Variants in BCAN observed in about 807,000 individuals in gnomAD.
BCAN encodes the protein brevican core protein.
Under a neutral mutation model 92.4 loss-of-function variants are expected in BCAN, and 51 were observed. The ratio of observed to expected loss-of-function variants is 0.55; its 90% CI spans 0.44 to 0.70. The LOEUF (loss-of-function observed/expected upper bound fraction) is 0.70, where lower values mean the gene tolerates loss of function less well. Ranked by LOEUF, BCAN falls within the 30% of genes least tolerant of loss-of-function variation. The probability of loss-of-function intolerance (pLI) is 0.00; values close to 1 mark genes in which losing one functional copy is unlikely to be tolerated. For synonymous variants in BCAN, 501 were observed against 505.2 expected (o/e 0.99, Z 0.11); for missense variants, 1,140 against 1,212.1 (o/e 0.94, Z 0.88).
chr1:156,650,190 G>A (rs1347278553), intron 6 of BCAN, among the ~76,000 whole-genome samples: 1 of 152,118 alleles, frequency 6.6e-6, no homozygotes, highest in African/African-American at 2.4e-5. Context: ...TCTGTGTGCT[G>A]GCTATGATTG....
In BCAN at chr1:156,646,783, G is replaced by A. The variant is rs201832279; in HGVS notation, c.92-18G>A. The A allele has an allele frequency of 2.9e-5, 44 of 1,531,680 alleles. No individual in the cohort carries two copies. The highest frequency in any genetic ancestry group is 2.2e-4 in the Middle Eastern group (1 of 4,586). The allele number at this position is 1,531,680 out of a possible 1,614,324, so 94.9% of individuals were successfully genotyped here. ...GGGTCGACAGCGTTAAGTTCCAGCC[G>A]GCTCCACCCGTTCACAGAGGACCGC... On this transcript the variant is annotated intron_variant, in intron 2 of 13. Coordinates refer to ENST00000329117, the MANE Select transcript of BCAN (RefSeq NM_021948.5).
Position 156,656,964 on chromosome 1 carries a change from G to C in BCAN, c.2077G>C (p.Asp693His). The change falls in exon 10 of 14, where the codon GAC becomes CAC. Residue 693 changes from aspartate (D) to histidine (H), a missense_variant. This residue lies in a region of BCAN where 825 missense variants were observed against 871.8 expected (regional missense o/e 0.95). Coordinates refer to ENST00000329117, the MANE Select transcript of BCAN (RefSeq NM_021948.5). ...VGLRFCNPGW[D>H]AFQGACYKHF... ...CCTCCGCTTCTGCAACCCCGGCTGG[G>C]ACGCCTTCCAGGGCGCCTGCTACAA... is the stretch of plus-strand genomic sequence containing the variant. 1 of 1,614,020 alleles carries C rather than the reference G, an allele frequency of 6.2e-7. No individual in the cohort carries two copies. Among genetic ancestry groups the C allele is most frequent in the Non-Finnish European group, 8.5e-7 (1 of 1,179,894 alleles).
At position 156,652,646 on chromosome 1, in the gene BCAN, G is replaced by C. The variant is rs774931549; in HGVS notation, c.1696G>C (p.Gly566Arg). 1 of 1,613,824 alleles carries C rather than the reference G, an allele frequency of 6.2e-7. No individual in the cohort carries two copies. The highest frequency in any genetic ancestry group is 8.5e-7 in the Non-Finnish European group (1 of 1,179,796). ...PSTLVEAREV[G>R]EATGGPELSG... ...CACTCTGGTTGAGGCAAGAGAGGTGGGGGAGGCAACTGGTGGTCCTGAGCT... is the reference window on the plus strand; with the variant it reads ...CACTCTGGTTGAGGCAAGAGAGGTGCGGGAGGCAACTGGTGGTCCTGAGCT... The change falls in exon 8 of 14, where the codon GGG becomes CGG. Residue 566 changes from glycine to arginine, a missense_variant. By Grantham distance (125) the Gly-to-Arg change is moderately radical. Transcript: ENST00000329117.
intron 8 of BCAN, among the ~76,000 whole-genome samples, chr1:156,654,104 C>T (rs1235783796): frequency 6.6e-6 from 1 of 152,188 alleles, no homozygotes; most frequent in Non-Finnish European, 1.5e-5. Flanking sequence ...TCCCCAGACC[C>T]AAAGGGTCTC....
Position 156,651,607 on chromosome 1 carries a change from C to A in BCAN, c.1215C>A (p.Ile405=). ...CAGAGAGTGAATCCCGTGGGGCCATCTACTCCATCCCCATCATGGAGGACG... is the reference window on the plus strand; with the variant it reads ...CAGAGAGTGAATCCCGTGGGGCCATATACTCCATCCCCATCATGGAGGACG... ...EATESESRGA[I]YSIPIMEDGG... Residue 405 remains isoleucine (I), a synonymous_variant, in exon 7 of 14, where the codon ATC becomes ATA. Transcript: ENST00000329117. 1 of 1,613,942 alleles carries A rather than the reference C, an allele frequency of 6.2e-7. No individual in the cohort carries two copies. Among genetic ancestry groups the A allele is most frequent in the Non-Finnish European group, 8.5e-7 (1 of 1,180,034 alleles).
chr1:156,658,540 C>T lies in BCAN; in HGVS notation c.2438-3C>T, dbSNP rs1379368144. 3 of 1,612,392 alleles carry T rather than the reference C, an allele frequency of 1.9e-6. No homozygotes were observed. The highest frequency in any genetic ancestry group is 1.7e-5 in the Admixed American group (1 of 59,994). On this transcript the variant is annotated splice_polypyrimidine_tract_variant and splice_region_variant and intron_variant, in intron 12 of 13. Coordinates refer to ENST00000329117, the MANE Select transcript of BCAN (RefSeq NM_021948.5). The surrounding 1 kb of genome is among the most constrained non-coding windows in gnomAD (Gnocchi z 4.4). The stretch of plus-strand genomic sequence containing the variant: ...CTCAGTTCCTAACTGTCTTCCTTTG[C>T]AGTGTCCTGTGGGCCGCCACCGGAG...
intron 6 of BCAN, among the ~76,000 whole-genome samples, chr1:156,649,704 C>A (rs567607234): frequency 2.0e-5 from 3 of 152,324 alleles, no homozygotes; most frequent in African/African-American, 7.2e-5. Context: ...GCACCCAAAC[C>A]TGCCCATATC....
At chr1:156,645,299 G>A (rs1445555647) in intron 1 of BCAN, among the ~76,000 whole-genome samples, 2 of 152,250 alleles carry the variant, frequency 1.3e-5, no homozygotes, top group Non-Finnish European at 2.9e-5. Flanking sequence ...TGAGCCAAGA[G>A]TTCCGGTGGG....
In BCAN at chr1:156,652,299, G is replaced by C. The variant is rs1449858695; in HGVS notation, c.1349G>C (p.Gly450Ala). The change falls in exon 8 of 14, where the codon GGT becomes GCT. Residue 450 changes from glycine to alanine, a missense_variant. By Grantham distance (60) the Gly-to-Ala change is moderately conservative. Transcript: ENST00000329117. ...VPPTGFSEEE[G>A]KALEEEEKYE... is the part of the protein sequence containing the mutation. ...CCCACGGGGTTCTCAGAAGAGGAAG[G>C]TAAGGCATTGGAGGAAGAAGAGAAA... 4 of 1,612,346 alleles carry C rather than the reference G, an allele frequency of 2.5e-6. No individual in the cohort carries two copies. The highest frequency in any genetic ancestry group is 2.2e-5 in the South Asian group (2 of 90,586).
chr1:156,657,278 G>C, intron 10 of BCAN, 182 bp downstream of exon 10: 4 of 915,078 alleles, frequency 4.4e-6, no homozygotes, highest in Non-Finnish European at 6.4e-6. Flanking sequence ...CGCTTAGGCA[G>C]TGGCCTTCGG....
intron 8 of BCAN, among the ~76,000 whole-genome samples, chr1:156,655,795 C>A (rs2102570516): frequency 6.6e-6 from 1 of 152,332 alleles, no homozygotes; most frequent in East Asian, 1.9e-4. Context: ...TCCCCTCCTT[C>A]ACTTCCATTC....
rs146570755 is a variant in BCAN, at chr1:156,657,059, C to T, written c.2172C>T (p.Ala724=). The change falls in exon 10 of 14, where the codon GCC becomes GCT. Residue 724 remains alanine (A), a synonymous_variant. Transcript: ENST00000329117. ...TQCRMYGAHL[A]SISTPEEQDF... Reference sequence around the variant, plus strand: ...GCCGGATGTACGGCGCGCATCTGGCCAGCATCAGCACACCCGAGGAACAGG... The same window carrying T: ...GCCGGATGTACGGCGCGCATCTGGCTAGCATCAGCACACCCGAGGAACAGG... The T allele has an allele frequency of 2.2e-4, 361 of 1,614,198 alleles. No individual in the cohort carries two copies. The African/African-American group carries it at 4.4e-3, about 19-fold the overall frequency.
Position 156,642,178 on chromosome 1 carries a change from T to TCAGCTG in BCAN, c.-96_-91dup, listed in dbSNP as rs1678801880. Reference sequence around the variant, plus strand: ...CGCTCGCGCAGTCTCCGCCGCAGTCTCAGCTGCAGCTGCAGGACTGAGCCG... The same window carrying TCAGCTG: ...CGCTCGCGCAGTCTCCGCCGCAGTCTCAGCTGCAGCTGCAGCTGCAGGACTGAGCCG... On this transcript the variant is annotated 5_prime_UTR_variant, in exon 1 of 14. Coordinates refer to ENST00000329117, the MANE Select transcript of BCAN (RefSeq NM_021948.5). The surrounding 1 kb of genome is among the most constrained non-coding windows in gnomAD (Gnocchi z 4.2). The TCAGCTG allele has an allele frequency of 6.6e-6, 1 of 152,250 alleles. No individual in the cohort carries two copies. Among genetic ancestry groups the TCAGCTG allele is most frequent in the Non-Finnish European group, 1.5e-5 (1 of 68,108 alleles). 9.4% of individuals were successfully genotyped at this position (152,250 alleles called of 1,614,324 possible).
Position 156,658,693 on chromosome 1 carries a change from G to A in BCAN, c.2588G>A (p.Arg863His), listed in dbSNP as rs1679425572. The change falls in exon 13 of 14, where the codon CGT (arginine) becomes CAT (histidine). Residue 863 changes from arginine (R) to histidine (H), a missense_variant. Arg to His is a conservative substitution (Grantham distance 29). Coordinates refer to ENST00000329117, the MANE Select transcript of BCAN (RefSeq NM_021948.5). This position sits in a 1 kb window ranked among gnomAD's most constrained non-coding sequence, Gnocchi z 4.4. ...LPLIRCQENGRWEAPQISCVP... is the reference protein window; with the variant it reads ...LPLIRCQENGHWEAPQISCVP... ...CTGATCCGATGCCAAGAGAACGGTC[G>A]TTGGGAGGCCCCCCAGATCTCCTGT... 4.3e-6 allele frequency: 7 copies of A among 1,614,010 alleles called. No homozygotes were observed. Among genetic ancestry groups the A allele is most frequent in the Non-Finnish European group, 5.9e-6 (7 of 1,180,054 alleles).
Position 156,652,496 on chromosome 1 carries a change from C to T in BCAN, c.1546C>T (p.Gln516Ter). Residue 516 changes from glutamine to a stop codon, truncating the protein, a stop_gained, in exon 8 of 14, where the codon CAG becomes TAG. Transcript: ENST00000329117. LOFTEE classifies it high-confidence loss of function. ...LSQAPARAVL[Q>*]PGASPLPDGE... ...CCAGGCGCCAGCAAGGGCAGTCCTG[C>T]AGCCTGGTGCATCACCACTTCCTGA... 1 of 1,608,922 alleles carries T rather than the reference C, an allele frequency of 6.2e-7. No individual in the cohort carries two copies. Among genetic ancestry groups the T allele is most frequent in the Non-Finnish European group, 8.5e-7 (1 of 1,177,460 alleles).
intron 6 of BCAN, among the ~76,000 whole-genome samples, 157 bp from the exon 7 acceptor site, chr1:156,651,299 G>C (rs539425197): frequency 6.6e-6 from 1 of 152,336 alleles, no homozygotes; most frequent in South Asian, 2.1e-4. Context: ...GAATGCTTGA[G>C]AAATGAGTGA....
At chr1:156,657,918 G>A (rs2102573532) in intron 11 of BCAN, among the ~76,000 whole-genome samples, 161 bp downstream of exon 11, 1 of 146,718 alleles carries the variant, frequency 6.8e-6, no homozygotes, top group South Asian at 2.1e-4. Context: ...TCCCTTCGTT[G>A]TGTCCTCTTT....
At chr1:156,649,660 C>A (rs1171567718) in intron 6 of BCAN, among the ~76,000 whole-genome samples, 2 of 152,194 alleles carry the variant, frequency 1.3e-5, no homozygotes, top group East Asian at 3.8e-4. Context: ...ATCTTGGACT[C>A]CCGAAGTGCT....
Position 156,658,512 on chromosome 1 carries a change from A to G in BCAN, c.2438-31A>G. On this transcript the variant is annotated intron_variant, in intron 12 of 13. Transcript: ENST00000329117. This position sits in a 1 kb window ranked among gnomAD's most constrained non-coding sequence, Gnocchi z 4.4. ...TCTGGGAACTGTCACCCACAGAGCC[A>G]GGCTCAGTTCCTAACTGTCTTCCTT... 2 of 1,596,644 alleles carry G rather than the reference A, an allele frequency of 1.3e-6. No homozygotes were observed. Among genetic ancestry groups the G allele is most frequent in the Non-Finnish European group, 1.7e-6 (2 of 1,167,646 alleles).
Sources: allele counts gnomAD v4.1 joint callset (sites outside exome capture counted in the v4.1 genomes callset), GRCh38; gene constraint gnomAD v4.1.1; regional missense constraint gnomAD v4.1.1; non-coding constraint Gnocchi (gnomAD v3.1); transcripts MANE v1.5; gene names NCBI Gene and HGNC (gene_info 2026-07-23, HGNC 2026-07-21).